The following CCDC93 variants were observed in gnomAD, a reference collection of about 807,000 sequenced individuals.
The protein encoded by CCDC93 is coiled-coil domain-containing protein 93.
Under a neutral mutation model 108.2 loss-of-function variants are expected in CCDC93, and 61 were observed. The observed-to-expected ratio is 0.56, with a 90% CI of 0.46 to 0.70. The LOEUF is 0.70. Ranked by LOEUF, CCDC93 falls within the 30% of genes least tolerant of loss-of-function variation. The probability of loss-of-function intolerance (pLI) is 0.00; values close to 1 mark genes in which losing one functional copy is unlikely to be tolerated. For synonymous variants in CCDC93, 276 were observed against 260.4 expected, an observed-to-expected ratio of 1.06 and a Z score of -0.58; for missense variants, 685 against 764.2, an observed-to-expected ratio of 0.90 and a Z score of 1.22.
At chr2:117,935,424 T>C in intron 22 of CCDC93, 71 bp downstream of exon 22, 1 of 1,197,834 alleles carries the variant, frequency 8.3e-7, no homozygotes, top group Non-Finnish European at 1.2e-6. Flanking sequence ...AGAAGAGGCC[T>C]TTTCTTCCCA....
chr2:117,985,012 A>C (rs1047547949), intron 7 of CCDC93, among the ~76,000 whole-genome samples: 1 of 145,858 alleles, frequency 6.9e-6, no homozygotes, highest in Admixed American at 6.6e-5. Flanking sequence ...CCTGACTTGG[A>C]GGAGGCATTC....
At chr2:117,954,820 AC>A (rs2104750385) in intron 12 of CCDC93, among the ~76,000 whole-genome samples, 1 of 152,230 alleles carries the variant, frequency 6.6e-6, no homozygotes, top group East Asian at 1.9e-4. Context: ...GGGGTGGTTT[AC>A]CCCATGGTGT....
At chr2:117,990,286 T>C (rs1279237031) in intron 6 of CCDC93, among the ~76,000 whole-genome samples, 1 of 152,144 alleles carries the variant, frequency 6.6e-6, no homozygotes, top group Non-Finnish European at 1.5e-5. Flanking sequence ...CTTATGTCCT[T>C]TGAAAATACC....
chr2:117,944,133 A>T, intron 17 of CCDC93, 47 bp from the exon 18 acceptor site: 1 of 1,356,782 alleles, frequency 7.4e-7, no homozygotes, highest in Non-Finnish European at 1.0e-6. Flanking sequence ...GAAAACTTTC[A>T]CTCTTTAATG....
intron 20 of CCDC93, among the ~76,000 whole-genome samples, chr2:117,938,367 T>C (rs908331710): frequency 2.0e-5 from 3 of 152,162 alleles, no homozygotes; most frequent in Non-Finnish European, 4.4e-5. Flanking sequence ...GTCATCAACT[T>C]GGGAAAGCCC....
chr2:117,946,938 T>G, intron 15 of CCDC93, 56 bp from the exon 16 acceptor site: 1 of 1,233,714 alleles, frequency 8.1e-7, no homozygotes. Flanking sequence ...TTAGACGCAA[T>G]TATTCAACTA....
chr2:117,975,240 G>A lies in CCDC93; in HGVS notation c.698C>T (p.Ala233Val). The A allele has an allele frequency of 6.2e-7, 1 of 1,613,832 alleles. No homozygotes were observed. Among genetic ancestry groups the A allele is most frequent in the East Asian group, 2.2e-5 (1 of 44,878 alleles). The change falls in exon 9 of 24, where the codon GCT (alanine) becomes GTT (valine). Residue 233 changes from alanine (A) to valine (V), a missense_variant. Coordinates refer to ENST00000376300, the MANE Select transcript of CCDC93 (RefSeq NM_019044.5). ...KKTALPAGLS[A>V]TEKADAHEED... ...CTCGTGGGCATCAGCTTTTTCTGTA[G>A]CTGACAGCCCTGCTGGAAGTGCCGT...
At chr2:117,999,043 T>C (rs555049593) in intron 4 of CCDC93, 1 of 152,314 alleles carries the variant, frequency 6.6e-6, no homozygotes, top group South Asian at 2.1e-4. Context: ...CTTACTAAAA[T>C]GGTCAGTCTT....
chr2:117,975,105 T>C (rs906655497), intron 9 of CCDC93, 83 bp downstream of exon 9: 1 of 1,287,578 alleles, frequency 7.8e-7, no homozygotes, highest in South Asian at 1.3e-5. Flanking sequence ...GTGGTGGCCA[T>C]TTGGGAACGC....
At chr2:117,985,536 TAAACTAGAGA>T in intron 7 of CCDC93, 2 of 243,692 alleles carry the variant, frequency 8.2e-6, no homozygotes, top group Non-Finnish European at 9.3e-6. Flanking sequence ...TTTTTTTTTT[TAAACTAGAGA>T]TGTTTTTAAG....
intron 15 of CCDC93, among the ~76,000 whole-genome samples, chr2:117,947,218 C>A (rs1442101497): frequency 6.6e-6 from 1 of 152,200 alleles, no homozygotes; most frequent in African/African-American, 2.4e-5. Context: ...CAACCTTATT[C>A]AGCTGTCCAT....
chr2:117,980,675 TA>T (rs1387503106), intron 7 of CCDC93, among the ~76,000 whole-genome samples: 1 of 152,168 alleles, frequency 6.6e-6, no homozygotes, highest in Non-Finnish European at 1.5e-5. Context: ...TCATTCACTT[TA>T]AAAAAATATT....
chr2:118,003,256 A>G (rs1676763619), intron 3 of CCDC93, among the ~76,000 whole-genome samples: 1 of 152,208 alleles, frequency 6.6e-6, no homozygotes, highest in South Asian at 2.1e-4. Flanking sequence ...TAACAAACCC[A>G]TTTGGCAACA....
intron 6 of CCDC93, among the ~76,000 whole-genome samples, chr2:117,986,721 G>A (rs758426299): frequency 1.3e-5 from 2 of 152,022 alleles, no homozygotes; most frequent in South Asian, 2.1e-4. Context: ...TAACACATAC[G>A]ATATAATCTC....
At chr2:117,968,005 T>C (rs891246038) in intron 11 of CCDC93, among the ~76,000 whole-genome samples, 3 of 152,184 alleles carry the variant, frequency 2.0e-5, no homozygotes, top group African/African-American at 7.2e-5. Context: ...TCAGGGTAGA[T>C]TCAGATTCAC....
At chr2:117,987,837 A>G (rs1680365167) in intron 6 of CCDC93, among the ~76,000 whole-genome samples, 1 of 152,220 alleles carries the variant, frequency 6.6e-6, no homozygotes. Flanking sequence ...AGCAATTGTA[A>G]TAGTTATCAC....
In CCDC93 at chr2:117,993,207, T is replaced by G. The variant is rs1459368534; in HGVS notation, c.519+2239A>C. Among the ~76,000 whole-genome samples, 5 of 151,966 alleles carry G rather than the reference T, an allele frequency of 3.3e-5. No individual in the cohort carries two copies. The East Asian group carries it at 9.7e-4, about 29-fold the overall frequency. ...GTCAGGAGATCGAGACCATCCTGGC[T>G]AACACGGTGAAACCCCATCTCTACT... On this transcript the variant is annotated intron_variant, in intron 6 of 23. Transcript: ENST00000376300.
rs1342281135 is a variant in CCDC93, at chr2:117,919,854, T to A, written c.*489A>T. On this transcript the variant is annotated 3_prime_UTR_variant, in exon 24 of 24. Transcript: ENST00000376300. ...GCCTTCTGTTTACTGAAAAACATCT[T>A]GGATAGCCCAGTTCTGCGGTCAAGT... 6.6e-6 allele frequency: 1 copy of A among 152,604 alleles called. No individual in the cohort carries two copies. Among genetic ancestry groups the A allele is most frequent in the Non-Finnish European group, 1.5e-5 (1 of 68,176 alleles). 9.5% of individuals were successfully genotyped at this position (152,604 alleles called of 1,614,324 possible).
intron 14 of CCDC93, among the ~76,000 whole-genome samples, chr2:117,948,504 C>T (rs979965258): frequency 1.3e-5 from 2 of 152,118 alleles, no homozygotes; most frequent in African/African-American, 2.4e-5. Flanking sequence ...CAACTGTATT[C>T]GGGGCATATA....
Sources: gnomAD v4.1 joint callset for allele counts (sites outside exome capture counted in the v4.1 genomes callset) on GRCh38, gnomAD v4.1.1 for gene constraint, MANE v1.5 for transcripts, NCBI Gene and HGNC (gene_info 2026-07-23, HGNC 2026-07-21) for gene names.